Variants in GPC5 observed in about 807,000 individuals in gnomAD.
The protein encoded by GPC5 is glypican 5, also known as glypican-5.
Under a neutral mutation model 53.9 loss-of-function variants are expected in GPC5, and 47 were observed. The observed-to-expected ratio is 0.87, with a 90% CI of 0.69 to 1.11. GPC5 has a LOEUF of 1.11. Among genes scored for constraint, GPC5 ranks in the 50% most tolerant of loss-of-function variants. The probability of loss-of-function intolerance (pLI) is 0.00; values close to 1 mark genes in which losing one functional copy is unlikely to be tolerated. For missense variants in GPC5, 748 were observed against 713.1 expected (o/e 1.05, Z -0.56); for synonymous variants, 286 against 263.3 (o/e 1.09, Z -0.84).
chr13:92,799,617 A>G (rs975718948), intron 7 of GPC5, among the ~76,000 whole-genome samples: 1 of 151,836 alleles, frequency 6.6e-6, no homozygotes, highest in Non-Finnish European at 1.5e-5. Context: ...TAAATGGGTA[A>G]AAAGTTTCAG....
intron 7 of GPC5, among the ~76,000 whole-genome samples, chr13:92,232,161 A>T (rs1026232822): frequency 5.3e-5 from 8 of 152,134 alleles, no homozygotes; most frequent in African/African-American, 1.9e-4. Context: ...AGAAATAAAA[A>T]TAATAAAAAT....
chr13:92,767,205 C>T (rs1412809577), intron 7 of GPC5, among the ~76,000 whole-genome samples: 1 of 152,118 alleles, frequency 6.6e-6, no homozygotes, highest in East Asian at 1.9e-4. Flanking sequence ...GGTGCGGTGG[C>T]TCATGCCTGT....
intron 7 of GPC5, among the ~76,000 whole-genome samples, chr13:92,717,804 T>C (rs902908442): frequency 5.3e-5 from 8 of 152,212 alleles, no homozygotes; most frequent in African/African-American, 1.9e-4. Context: ...TTTCATTTAT[T>C]GAAATAATGT....
chr13:91,461,857 G>A (rs1273466784), intron 2 of GPC5, among the ~76,000 whole-genome samples: 1 of 152,076 alleles, frequency 6.6e-6, no homozygotes, highest in Non-Finnish European at 1.5e-5. Context: ...TTGGATTACT[G>A]TGCCTGATGG....
chr13:92,238,648 G>C (rs552526722), intron 7 of GPC5, among the ~76,000 whole-genome samples: 19 of 151,490 alleles, frequency 1.3e-4, no homozygotes, highest in Middle Eastern at 3.4e-3. Flanking sequence ...CCTTTCTCTG[G>C]GTTAACTTAC....
intron 7 of GPC5, among the ~76,000 whole-genome samples, chr13:92,695,099 G>C (rs929767572): frequency 6.6e-6 from 1 of 152,164 alleles, no homozygotes; most frequent in Admixed American, 6.5e-5. Flanking sequence ...TAGCCATGCA[G>C]AACTGTGAGT....
chr13:92,065,104 T>C (rs184941728), intron 6 of GPC5, among the ~76,000 whole-genome samples: 8 of 152,270 alleles, frequency 5.3e-5, no homozygotes, highest in African/African-American at 1.9e-4. Flanking sequence ...ACCTGAAAGG[T>C]CAGTTAAATT....
intron 7 of GPC5, among the ~76,000 whole-genome samples, chr13:92,428,117 T>C (rs1876917285): frequency 6.6e-6 from 1 of 152,070 alleles, no homozygotes; most frequent in Non-Finnish European, 1.5e-5. Flanking sequence ...CAGATATAAA[T>C]ACATAGAAAT....
chr13:91,840,749 T>A (rs1249514531), intron 5 of GPC5, among the ~76,000 whole-genome samples: 1 of 150,370 alleles, frequency 6.7e-6, no homozygotes, highest in Non-Finnish European at 1.5e-5. Context: ...TATTTTTATT[T>A]TTTTTTTTTT....
At chr13:92,189,946 A>G (rs1040006935) in intron 7 of GPC5, among the ~76,000 whole-genome samples, 2 of 152,186 alleles carry the variant, frequency 1.3e-5, no homozygotes, top group African/African-American at 4.8e-5. Context: ...TGGGAGAAAT[A>G]ATGACTGACA....
Position 92,599,141 on chromosome 13 carries a change from G to A in GPC5, c.1562-267141G>A, listed in dbSNP as rs147322353. On this transcript the variant is annotated intron_variant, in intron 7 of 7. Coordinates refer to ENST00000377067, the MANE Select transcript of GPC5 (RefSeq NM_004466.6). ...ATTATTTAGTGTAGTTGTAGACCCA[G>A]ATGTTAAATGTTTGATACAACAGAC... 1.9e-4 allele frequency among the ~76,000 whole-genome samples: 29 copies of A among 152,256 alleles called. No homozygotes were observed. In the East Asian group the frequency reaches 5.0e-3, roughly 26 times the overall value.
At chr13:92,350,666 AAG>A (rs1338291001) in intron 7 of GPC5, among the ~76,000 whole-genome samples, 1 of 152,170 alleles carries the variant, frequency 6.6e-6, no homozygotes, top group East Asian at 1.9e-4. Flanking sequence ...GAAAATTGCT[AAG>A]AGTCAATTTC....
At chr13:91,749,967 G>A (rs2037135037) in intron 4 of GPC5, among the ~76,000 whole-genome samples, 1 of 152,088 alleles carries the variant, frequency 6.6e-6, no homozygotes, top group Non-Finnish European at 1.5e-5. Context: ...GCACCACCAA[G>A]CCCGGCTAAT....
intron 1 of GPC5, among the ~76,000 whole-genome samples, chr13:91,432,121 A>C (rs1879495780): frequency 6.6e-6 from 1 of 151,848 alleles, no homozygotes; most frequent in Non-Finnish European, 1.5e-5. Context: ...TCTCTTTTAA[A>C]ACTTAGGGGA....
chr13:92,800,545 G>A (rs552345556), intron 7 of GPC5, among the ~76,000 whole-genome samples: 1 of 151,872 alleles, frequency 6.6e-6, no homozygotes, highest in Non-Finnish European at 1.5e-5. Flanking sequence ...AACGAACCCT[G>A]TGAAAATTGG....
In GPC5 at chr13:91,445,588, C is replaced by T. The variant is rs546272326; in HGVS notation, c.164-3173C>T. ...CTCCCAGCTACAAGTGATTCTCCTG[C>T]CTCAGTCTCCTGAGTAGCTGGGATT... is the stretch of plus-strand genomic sequence containing the variant. On this transcript the variant is annotated intron_variant, in intron 1 of 7. Coordinates refer to ENST00000377067, the MANE Select transcript of GPC5 (RefSeq NM_004466.6). 2.0e-5 allele frequency among the ~76,000 whole-genome samples: 3 copies of T among 152,284 alleles called. No homozygotes were observed. The East Asian group carries it at 5.8e-4, about 29-fold the overall frequency.
At chr13:92,631,316 T>G (rs1480486019) in intron 7 of GPC5, among the ~76,000 whole-genome samples, 1 of 152,146 alleles carries the variant, frequency 6.6e-6, no homozygotes, top group Admixed American at 6.5e-5. Context: ...TTACTTCCCA[T>G]TTACTCTTTG....
intron 4 of GPC5, among the ~76,000 whole-genome samples, chr13:91,741,134 A>C (rs1277242465): frequency 6.6e-6 from 1 of 152,038 alleles, no homozygotes; most frequent in Non-Finnish European, 1.5e-5. Context: ...TTTTACTATC[A>C]GACAGGATTT....
rs978856207 is a variant in GPC5 at position 91,855,018 on chromosome 13, C to T, written c.1281-52919C>T. On this transcript the variant is annotated intron_variant, in intron 5 of 7. Transcript: ENST00000377067. The stretch of plus-strand genomic sequence containing the variant: ...GAATACATGTATTAAATAGCAATCT[C>T]GTTGCATATACCAATTGATGGTAAT... Among the ~76,000 whole-genome samples the T allele has an allele frequency of 5.3e-5, 8 of 151,740 alleles. No homozygotes were observed. The East Asian group carries it at 1.4e-3, about 26-fold the overall frequency.
Sources: gnomAD v4.1 joint callset for allele counts (sites outside exome capture counted in the v4.1 genomes callset) on GRCh38, gnomAD v4.1.1 for gene constraint, MANE v1.5 for transcripts, NCBI Gene and HGNC (gene_info 2026-07-23, HGNC 2026-07-21) for gene names.